Variants in YPEL1 observed in about 807,000 individuals in gnomAD.
YPEL1 encodes yippee like 1, also known as protein yippee-like 1.
YPEL1 carries 7 observed loss-of-function variants against 17.3 expected under a neutral mutation model. That is an observed-to-expected ratio of 0.40 (90% CI 0.23 to 0.76). The LOEUF (loss-of-function observed/expected upper bound fraction) is 0.76. Among genes scored for constraint, YPEL1 ranks in the 30% least tolerant of loss-of-function variants. YPEL1 has a pLI of 0.35. For missense variants in YPEL1, 91 were observed against 155.5 expected (o/e 0.59, Z 2.21); for synonymous variants, 59 against 59.6 (o/e 0.99, Z 0.05).
At chr22:21,705,999 G>A (rs538092100) in intron 2 of YPEL1, among the ~76,000 whole-genome samples, 72 of 151,974 alleles carry the variant, frequency 4.7e-4, no homozygotes, top group African/African-American at 1.4e-3. Flanking sequence ...GCATGGTGGA[G>A]GGTGCCTGTA....
intron 2 of YPEL1, among the ~76,000 whole-genome samples, chr22:21,706,108 C>T (rs1039896075): frequency 3.4e-5 from 5 of 149,020 alleles, no homozygotes; most frequent in Admixed American, 6.7e-5. Context: ...CCAGCTTGGG[C>T]GACTAGAGTG....
At position 21,698,642 on chromosome 22, in the gene YPEL1, C is replaced by G. The variant is rs1186898202; in HGVS notation, c.*2487G>C. On this transcript the variant is annotated 3_prime_UTR_variant, in exon 5 of 5. Transcript: ENST00000339468. Reference sequence around the variant, plus strand: ...TTTAAGATAAGTTTTCAGTGAACTCCTTCTTCCACCCGGGAAGGTGTCTTT... The same window carrying G: ...TTTAAGATAAGTTTTCAGTGAACTCGTTCTTCCACCCGGGAAGGTGTCTTT... 6.6e-6 allele frequency: 1 copy of G among 152,384 alleles called. No individual in the cohort carries two copies. Among genetic ancestry groups the G allele is most frequent in the African/African-American group, 2.4e-5 (1 of 41,460 alleles). 9.4% of individuals were successfully genotyped at this position (152,384 alleles called of 1,614,324 possible). A position where few individuals can be genotyped will look rare whatever the true frequency, so the allele number is the denominator to read the frequency against.
At chr22:21,732,220 C>T (rs768715050) in intron 1 of YPEL1, among the ~76,000 whole-genome samples, 20 of 152,198 alleles carry the variant, frequency 1.3e-4, no homozygotes, top group Non-Finnish European at 2.1e-4. Flanking sequence ...GAATCTATCT[C>T]GCACTGCTTG....
rs1461581429 is a variant in YPEL1 at position 21,698,552 on chromosome 22, G to A, written c.*2577C>T. The A allele has an allele frequency of 6.6e-6, 1 of 152,344 alleles. No homozygotes were observed. Among genetic ancestry groups the A allele is most frequent in the Non-Finnish European group, 1.5e-5 (1 of 68,062 alleles). The allele number at this position is 152,344 out of a possible 1,614,324, so 9.4% of individuals were successfully genotyped here. On this transcript the variant is annotated 3_prime_UTR_variant, in exon 5 of 5. Coordinates refer to ENST00000339468, the MANE Select transcript of YPEL1 (RefSeq NM_013313.5). ...CCTCCAACTGTTTCCCCTAGTCCCC[G>A]GGGCATCGGAGGCTGGGTTCCCACA...
intron 2 of YPEL1, 146 bp downstream of exon 2, chr22:21,710,482 C>A: frequency 1.3e-6 from 1 of 742,080 alleles, no homozygotes. Context: ...GCACAAAACG[C>A]TCACCAATGC....
Position 21,703,765 on chromosome 22 carries a change from G to A in YPEL1, c.161+74C>T. On this transcript the variant is annotated intron_variant, in intron 3 of 4. Coordinates refer to ENST00000339468, the MANE Select transcript of YPEL1 (RefSeq NM_013313.5). The surrounding 1 kb of genome is among the most constrained non-coding windows in gnomAD (Gnocchi z 6.1). ...CTAAAGACCCAGGTGATTCTACACA[G>A]GGCACTGTGTAGGTGCCATCCAGGC... 2 of 1,504,300 alleles carry A rather than the reference G, an allele frequency of 1.3e-6. No homozygotes were observed. The highest frequency in any genetic ancestry group is 1.2e-5 in the South Asian group (1 of 83,978). The allele number at this position is 1,504,300 out of a possible 1,614,324, so 93.2% of individuals were successfully genotyped here.
chr22:21,730,882 C>A lies in YPEL1; in HGVS notation c.-165+4733G>T, dbSNP rs2148615873. Among the ~76,000 whole-genome samples the A allele has an allele frequency of 2.0e-5, 3 of 152,348 alleles. No individual in the cohort carries two copies. The South Asian group carries it at 6.2e-4, about 32-fold the overall frequency. ...AGTGGCCCCAGGTGCCTCGGCCCTC[C>A]AGGCTCTCTCCTCCATCTCTCCTCC... On this transcript the variant is annotated intron_variant, in intron 1 of 4. Transcript: ENST00000339468.
At chr22:21,706,040 G>A (rs899009605) in intron 2 of YPEL1, among the ~76,000 whole-genome samples, 3 of 151,892 alleles carry the variant, frequency 2.0e-5, no homozygotes, top group Non-Finnish European at 4.4e-5. Context: ...TGAGGCAGGA[G>A]AATTGCTTGA....
intron 1 of YPEL1, among the ~76,000 whole-genome samples, chr22:21,728,117 C>G (rs1464674789): frequency 6.6e-6 from 1 of 152,168 alleles, no homozygotes; most frequent in Non-Finnish European, 1.5e-5. Flanking sequence ...GAAAGTGGAA[C>G]CAGGATATCA....
intron 1 of YPEL1, among the ~76,000 whole-genome samples, chr22:21,720,022 A>AT (rs1239123488): frequency 6.6e-6 from 1 of 150,504 alleles, no homozygotes; most frequent in Non-Finnish European, 1.5e-5. Context: ...AAAAAAAAAA[A>AT]AAAAAATTAG....
chr22:21,707,870 G>C (rs2068128466), intron 2 of YPEL1, among the ~76,000 whole-genome samples: 1 of 152,212 alleles, frequency 6.6e-6, no homozygotes, highest in South Asian at 2.1e-4. Flanking sequence ...TAATTACTCT[G>C]TAAACAGATG....
At chr22:21,708,207 C>G (rs1040630865) in intron 2 of YPEL1, among the ~76,000 whole-genome samples, 1 of 151,992 alleles carries the variant, frequency 6.6e-6, no homozygotes, top group Non-Finnish European at 1.5e-5. Flanking sequence ...CGGCCCATCA[C>G]CCATGGAGGC....
Position 21,703,222 on chromosome 22 carries a change from G to A in YPEL1, c.270+148C>T. 1 of 689,484 alleles carries A rather than the reference G, an allele frequency of 1.5e-6. No homozygotes were observed. Among genetic ancestry groups the A allele is most frequent in the Non-Finnish European group, 2.5e-6 (1 of 392,182 alleles). The allele number at this position is 689,484 out of a possible 1,614,324, so 42.7% of individuals were successfully genotyped here. On this transcript the variant is annotated intron_variant, in intron 4 of 4. Transcript: ENST00000339468. This position sits in a 1 kb window ranked among gnomAD's most constrained non-coding sequence, Gnocchi z 6.1. ...AGTGGTGAGACCATGCCTCACTGGA[G>A]TCTGGACTTCCCACCTCGGCTGAGG...
chr22:21,711,873 C>T (rs1052743770), intron 1 of YPEL1, among the ~76,000 whole-genome samples: 13 of 152,126 alleles, frequency 8.5e-5, no homozygotes, highest in African/African-American at 2.9e-4. Flanking sequence ...CATTAGACTT[C>T]GTAAAAATTC....
intron 2 of YPEL1, among the ~76,000 whole-genome samples, chr22:21,709,313 T>C (rs1419059300): frequency 1.3e-5 from 2 of 152,120 alleles, no homozygotes; most frequent in Non-Finnish European, 2.9e-5. Context: ...ACTTCTCACC[T>C]CACACTTCCC....
chr22:21,733,124 T>C (rs887861808), intron 1 of YPEL1, among the ~76,000 whole-genome samples: 1 of 151,410 alleles, frequency 6.6e-6, no homozygotes, highest in African/African-American at 2.4e-5. Context: ...CTCTCTAATA[T>C]AACAAAACAA....
chr22:21,732,306 AT>A (rs2068395689), intron 1 of YPEL1, among the ~76,000 whole-genome samples: 1 of 152,172 alleles, frequency 6.6e-6, no homozygotes, highest in South Asian at 2.1e-4. Flanking sequence ...TCTTGTCAAA[AT>A]TCCCACTCCC....
intron 1 of YPEL1, among the ~76,000 whole-genome samples, chr22:21,721,637 C>T (rs1262835003): frequency 6.6e-6 from 1 of 151,974 alleles, no homozygotes; most frequent in African/African-American, 2.4e-5. Context: ...TTGGCTAGGC[C>T]GGTCTCCAAC....
intron 1 of YPEL1, among the ~76,000 whole-genome samples, chr22:21,713,693 G>A (rs2068193791): frequency 6.6e-6 from 1 of 152,194 alleles, no homozygotes; most frequent in Admixed American, 6.5e-5. Flanking sequence ...TAATGTCACT[G>A]AACTGTACAC....
Sources: allele counts gnomAD v4.1 joint callset (sites outside exome capture counted in the v4.1 genomes callset), GRCh38; gene constraint gnomAD v4.1.1; non-coding constraint Gnocchi (gnomAD v3.1); transcripts MANE v1.5; gene names NCBI Gene and HGNC (gene_info 2026-07-23, HGNC 2026-07-21).